ST8SIA5: variants seen among roughly 807,000 people sequenced by gnomAD.
The protein encoded by ST8SIA5 is ST8 alpha-N-acetyl-neuraminide alpha-2,8-sialyltransferase 5, also known as alpha-2,8-sialyltransferase 8E.
Under a neutral mutation model 40.2 loss-of-function variants are expected in ST8SIA5, and 24 were observed. The observed-to-expected ratio is 0.60, with a 90% CI of 0.43 to 0.84. The LOEUF (loss-of-function observed/expected upper bound fraction) is 0.84, where lower values mean the gene tolerates loss of function less well. Ranked by LOEUF, ST8SIA5 falls within the 40% of genes least tolerant of loss-of-function variation. The pLI is 0.00. For synonymous variants in ST8SIA5, 198 were observed against 201.8 expected (o/e 0.98, Z 0.16); for missense variants, 465 against 498.5 (o/e 0.93, Z 0.64).
At chr18:46,704,737 C>A in intron 1 of ST8SIA5, 73 bp from the exon 2 acceptor site, 1 of 1,247,462 alleles carries the variant, frequency 8.0e-7, no homozygotes, top group Non-Finnish European at 1.2e-6. Context: ...GCTCTTGTTG[C>A]AGGGTGGAGT....
At chr18:46,708,957 A>T (rs1193167518) in intron 1 of ST8SIA5, among the ~76,000 whole-genome samples, 1 of 152,162 alleles carries the variant, frequency 6.6e-6, no homozygotes, top group Non-Finnish European at 1.5e-5. Flanking sequence ...AGTCATCAAA[A>T]CTATTCCATG....
chr18:46,745,088 C>T (rs368678526), intron 1 of ST8SIA5, among the ~76,000 whole-genome samples: 1 of 152,168 alleles, frequency 6.6e-6, no homozygotes, highest in Non-Finnish European at 1.5e-5. Flanking sequence ...AAATTTATAG[C>T]ACTAAATGCC....
chr18:46,685,212 C>A (rs1334614686), intron 5 of ST8SIA5, among the ~76,000 whole-genome samples: 1 of 152,160 alleles, frequency 6.6e-6, no homozygotes, highest in Non-Finnish European at 1.5e-5. Flanking sequence ...TCAGGGAGAC[C>A]CCAGAGACCT....
chr18:46,668,619 G>A lies in ST8SIA5; in HGVS notation c.*11423C>T, dbSNP rs2039289849. On this transcript the variant is annotated 3_prime_UTR_variant, in exon 7 of 7. Coordinates refer to ENST00000315087, the MANE Select transcript of ST8SIA5 (RefSeq NM_013305.6). ...TTTTTAAGAAAATACATAGACAAAT[G>A]CATATATTTCAAAGTTCAAACAATA... 1 of 152,222 alleles carries A rather than the reference G, an allele frequency of 6.6e-6. No homozygotes were observed. The highest frequency in any genetic ancestry group is 6.5e-5 in the Admixed American group (1 of 15,288). 9.4% of individuals were successfully genotyped at this position (152,222 alleles called of 1,614,324 possible).
chr18:46,672,846 A>C lies in ST8SIA5; in HGVS notation c.*7196T>G, dbSNP rs1275365285. On this transcript the variant is annotated 3_prime_UTR_variant, in exon 7 of 7. Transcript: ENST00000315087. ...AGGACAACTGCCCAAGGCAAAAACA[A>C]AAACAAAAATCAGATTTCTGCTTTA... 1 of 152,258 alleles carries C rather than the reference A, an allele frequency of 6.6e-6. No individual in the cohort carries two copies. Among genetic ancestry groups the C allele is most frequent in the Non-Finnish European group, 1.5e-5 (1 of 68,070 alleles). 9.4% of individuals were successfully genotyped at this position (152,258 alleles called of 1,614,324 possible).
intron 1 of ST8SIA5, among the ~76,000 whole-genome samples, chr18:46,729,795 G>T (rs1448249125): frequency 6.6e-6 from 1 of 152,216 alleles, no homozygotes; most frequent in East Asian, 1.9e-4. Context: ...AGATACTGCT[G>T]CTGCCCTCAA....
chr18:46,719,682 T>TTTTCTTTCTTTCTTTCTCTTTCTTTC (rs2039833592), intron 1 of ST8SIA5, among the ~76,000 whole-genome samples: 1 of 107,064 alleles, frequency 9.3e-6, no homozygotes, highest in Non-Finnish European at 1.9e-5. Context: ...TTCTTTTCTT[T>TTTTCTTTCTTTCTTTCTCTTTCTTTC]TTTCTTTCTT....
chr18:46,721,053 T>C (rs1390198321), intron 1 of ST8SIA5, among the ~76,000 whole-genome samples: 3 of 152,082 alleles, frequency 2.0e-5, no homozygotes, highest in Non-Finnish European at 4.4e-5. Context: ...CCGAAATCCC[T>C]GCAGCAGGGA....
chr18:46,679,947 A>G lies in ST8SIA5; in HGVS notation c.*95T>C, dbSNP rs373039246. The G allele has an allele frequency of 1.2e-5, 14 of 1,209,544 alleles. No individual in the cohort carries two copies. The East Asian group carries it at 1.2e-4, about 11-fold the overall frequency. 74.9% of individuals were successfully genotyped at this position (1,209,544 alleles called of 1,614,324 possible). A position where few individuals can be genotyped will look rare whatever the true frequency, so the allele number is the denominator to read the frequency against. ...TGGAGGGAGAGACAGCCTGAACGCCAGGACCCCACGCTGCCCGGTTCGGGG... is the reference window on the plus strand; with the variant it reads ...TGGAGGGAGAGACAGCCTGAACGCCGGGACCCCACGCTGCCCGGTTCGGGG... On this transcript the variant is annotated 3_prime_UTR_variant, in exon 7 of 7. Coordinates refer to ENST00000315087, the MANE Select transcript of ST8SIA5 (RefSeq NM_013305.6).
chr18:46,684,785 G>A (rs548066797), intron 5 of ST8SIA5, among the ~76,000 whole-genome samples: 3 of 152,312 alleles, frequency 2.0e-5, no homozygotes, highest in Non-Finnish European at 4.4e-5. Flanking sequence ...ACCACTCAGC[G>A]GGTCCCTGGT....
At position 46,705,686 on chromosome 18, in the gene ST8SIA5, C is replaced by A. The variant is rs12607312; in HGVS notation, c.132-1022G>T. On this transcript the variant is annotated intron_variant, in intron 1 of 6. Coordinates refer to ENST00000315087, the MANE Select transcript of ST8SIA5 (RefSeq NM_013305.6). ...CTCCTCACAGCCCCCCTCCTCCTGG[C>A]GGTTGTTCAGAGGCAGGGGTGGGTG... 2.6e-5 allele frequency among the ~76,000 whole-genome samples: 4 copies of A among 152,294 alleles called. No individual in the cohort carries two copies. In the South Asian group the frequency reaches 6.2e-4, roughly 24 times the overall value.
chr18:46,702,479 C>T (rs2144497854), intron 2 of ST8SIA5, among the ~76,000 whole-genome samples: 1 of 152,336 alleles, frequency 6.6e-6, no homozygotes, highest in South Asian at 2.1e-4. Context: ...ATGGTCTGGC[C>T]CTACCTGACC....
At chr18:46,753,117 C>T (rs1485468219) in intron 1 of ST8SIA5, among the ~76,000 whole-genome samples, 4 of 152,206 alleles carry the variant, frequency 2.6e-5, no homozygotes, top group African/African-American at 7.2e-5. Context: ...TTCCACCTCA[C>T]AGCAGTTGTA....
At chr18:46,689,873 G>A (rs985883844) in intron 3 of ST8SIA5, among the ~76,000 whole-genome samples, 3 of 151,354 alleles carry the variant, frequency 2.0e-5, no homozygotes, top group African/African-American at 7.3e-5. Flanking sequence ...ACAGGTGTGA[G>A]TCACCATGCC....
In ST8SIA5 at chr18:46,688,939, G is replaced by A; in HGVS notation, c.312-20C>T. 1 of 1,603,024 alleles carries A rather than the reference G, an allele frequency of 6.2e-7. No homozygotes were observed. Among genetic ancestry groups the A allele is most frequent in the Non-Finnish European group, 8.5e-7 (1 of 1,175,126 alleles). On this transcript the variant is annotated intron_variant, in intron 3 of 6. Coordinates refer to ENST00000315087, the MANE Select transcript of ST8SIA5 (RefSeq NM_013305.6). ...GTAGACCTGCCAGGCAGGGAGACAG[G>A]CAGGAAAGACGTGATGCAGGAAAGA...
chr18:46,722,719 C>A (rs1014441523), intron 1 of ST8SIA5, among the ~76,000 whole-genome samples: 2 of 152,182 alleles, frequency 1.3e-5, no homozygotes, highest in African/African-American at 4.8e-5. Context: ...GTACCCTGGA[C>A]CCTCCTGCTG....
In ST8SIA5 at chr18:46,680,510, C is replaced by G. The variant is rs765305915; in HGVS notation, c.663G>C (p.Arg221Ser). ...VTVNPSIITE[R>S]FHKLEKWRRP... Reference sequence around the variant, plus strand: ...GCCGCCACTTCTCCAGCTTGTGGAACCTACACAGGGCGCGAGTGAGAGGTG... The same window carrying G: ...GCCGCCACTTCTCCAGCTTGTGGAAGCTACACAGGGCGCGAGTGAGAGGTG... The change falls in exon 7 of 7, where the codon AGG (arginine) becomes AGC (serine). Residue 221 changes from arginine to serine, a missense_variant and splice_region_variant. Transcript: ENST00000315087. The G allele has an allele frequency of 8.2e-6, 13 of 1,584,968 alleles. No homozygotes were observed. Among genetic ancestry groups the G allele is most frequent in the Non-Finnish European group, 1.0e-5 (12 of 1,162,962 alleles).
At chr18:46,728,212 A>G (rs945473127) in intron 1 of ST8SIA5, among the ~76,000 whole-genome samples, 3 of 151,396 alleles carry the variant, frequency 2.0e-5, no homozygotes, top group African/African-American at 7.3e-5. Flanking sequence ...AAAAAAAACT[A>G]TAGAGTATTA....
At chr18:46,718,354 A>T (rs1377075038) in intron 1 of ST8SIA5, among the ~76,000 whole-genome samples, 1 of 152,022 alleles carries the variant, frequency 6.6e-6, no homozygotes, top group South Asian at 2.1e-4. Context: ...AAGAAAAAAA[A>T]TTATTCCTAT....
Sources: allele counts gnomAD v4.1 joint callset (sites outside exome capture counted in the v4.1 genomes callset), GRCh38; gene constraint gnomAD v4.1.1; transcripts MANE v1.5; gene names NCBI Gene and HGNC (gene_info 2026-07-23, HGNC 2026-07-21).